The following PROM1 variants were observed in gnomAD, a reference collection of about 807,000 sequenced individuals.
The protein encoded by PROM1 is prominin 1, also known as prominin-1.
PROM1 carries 105 observed loss-of-function variants against 116.9 expected under a neutral mutation model. The observed-to-expected ratio is 0.90, with a 90% CI of 0.77 to 1.06. The LOEUF is 1.06. PROM1 is among the 50% of genes least tolerant of loss of function. The pLI is 0.00. For synonymous variants in PROM1, 393 were observed against 387.0 expected (o/e 1.02, Z -0.18); for missense variants, 1,122 against 1,045.2 (o/e 1.07, Z -1.01).
In PROM1 at chr4:16,040,085, A is replaced by G. The variant is rs140544554; in HGVS notation, c.221-1084T>C. On this transcript the variant is annotated intron_variant, in intron 2 of 27. Transcript: ENST00000447510. Reference sequence around the variant, plus strand: ...CTTCTGCAGTGCTATCACTATATCCATCACGCCTGAAATGTACTAATGGGG... The same window carrying G: ...CTTCTGCAGTGCTATCACTATATCCGTCACGCCTGAAATGTACTAATGGGG... Among the ~76,000 whole-genome samples the G allele has an allele frequency of 1.8e-3, 279 of 152,222 alleles. 1 individual carries two copies. The highest frequency in any genetic ancestry group is 6.4e-3 in the African/African-American group (268 of 41,556).
chr4:16,007,435 T>TA (rs965522248), intron 12 of PROM1, among the ~76,000 whole-genome samples: 7 of 152,312 alleles, frequency 4.6e-5, no homozygotes, highest in African/African-American at 1.7e-4. Context: ...TTTAAGACAC[T>TA]AAAAAACAAA....
intron 5 of PROM1, among the ~76,000 whole-genome samples, chr4:16,027,459 T>A (rs1731613318): frequency 6.6e-6 from 1 of 152,194 alleles, no homozygotes; most frequent in Admixed American, 6.5e-5. Flanking sequence ...CTTCCCAGCA[T>A]GCCCAGATTA....
At chr4:16,046,575 C>T (rs1432717560) in intron 2 of PROM1, among the ~76,000 whole-genome samples, 4 of 152,270 alleles carry the variant, frequency 2.6e-5, no homozygotes, top group South Asian at 2.1e-4. Flanking sequence ...ATTGAATCAG[C>T]GTAGGAGATA....
At chr4:16,080,896 T>A (rs1242722830) in intron 1 of PROM1, among the ~76,000 whole-genome samples, 3 of 152,144 alleles carry the variant, frequency 2.0e-5, no homozygotes, top group Non-Finnish European at 2.9e-5. Flanking sequence ...ACATCCAGGG[T>A]CCTGTTCTGG....
intron 11 of PROM1, among the ~76,000 whole-genome samples, chr4:16,011,549 T>C (rs1259369370): frequency 1.3e-5 from 2 of 152,152 alleles, no homozygotes; most frequent in Admixed American, 1.3e-4. Context: ...CCGCACTCAA[T>C]GCACGCAGCA....
At chr4:16,003,293 T>A in intron 13 of PROM1, 1 of 456,734 alleles carries the variant, frequency 2.2e-6, no homozygotes, top group South Asian at 1.5e-5. Flanking sequence ...TAACTAATAC[T>A]GCAAAACACC....
At chr4:16,083,356 C>A (rs1421187731) in intron 1 of PROM1, 1 of 152,018 alleles carries the variant, frequency 6.6e-6, no homozygotes, top group Non-Finnish European at 1.5e-5. Context: ...CGCCCCCATC[C>A]CCAGTGGATG....
chr4:16,067,404 T>C (rs1741783990), intron 2 of PROM1, among the ~76,000 whole-genome samples: 1 of 152,304 alleles, frequency 6.6e-6, no homozygotes, highest in Admixed American at 6.5e-5. Context: ...GGCAAGTTAT[T>C]TGATCTCTGA....
At chr4:16,081,266 A>C (rs1744994522) in intron 1 of PROM1, among the ~76,000 whole-genome samples, 10 of 151,992 alleles carry the variant, frequency 6.6e-5, no homozygotes. Context: ...TCCTGTGTCC[A>C]AGTGTTTTCA....
chr4:16,016,339 C>CTA, intron 9 of PROM1, 99 bp from the exon 10 acceptor site: 1 of 954,796 alleles, frequency 1.0e-6, no homozygotes, highest in East Asian at 2.6e-5. Context: ...CCCAAAGCAT[C>CTA]TATACTACAG....
chr4:16,069,457 G>A (rs1411396468), intron 2 of PROM1, among the ~76,000 whole-genome samples: 1 of 152,098 alleles, frequency 6.6e-6, no homozygotes, highest in African/African-American at 2.4e-5. Context: ...TACTTTTAAC[G>A]TGCAAAAATT....
At position 16,018,366 on chromosome 4, in the gene PROM1, C is replaced by G. The variant is rs759759830; in HGVS notation, c.959G>C (p.Arg320Thr). Residue 320 changes from arginine (R) to threonine (T), a missense_variant, in exon 9 of 28, where the codon AGA becomes ACA. Arg to Thr is a moderately conservative substitution (Grantham distance 71). Transcript: ENST00000447510. ...GCTATTCAGCTGGCTTAGAGACAAT[C>G]TGATGCTGTTGCAGGTTTCACTTGA... Reference protein sequence around the residue: ...HPSSETCNSIRLSLSQLNSNP... With the variant: ...HPSSETCNSITLSLSQLNSNP... 7.4e-6 allele frequency: 12 copies of G among 1,613,690 alleles called. No homozygotes were observed. The highest frequency in any genetic ancestry group is 8.5e-7 in the Non-Finnish European group (1 of 1,179,906).
intron 2 of PROM1, among the ~76,000 whole-genome samples, chr4:16,043,347 C>T (rs1444717162): frequency 1.3e-5 from 2 of 152,344 alleles, no homozygotes; most frequent in African/African-American, 4.8e-5. Flanking sequence ...GAGATGGGAT[C>T]TCATTCTGTC....
At chr4:15,999,811 T>G (rs1723294401) in intron 14 of PROM1, among the ~76,000 whole-genome samples, 1 of 149,626 alleles carries the variant, frequency 6.7e-6, no homozygotes, top group African/African-American at 2.5e-5. Flanking sequence ...AATGAAAGAG[T>G]GAAATAGAAA....
chr4:15,989,744 T>C lies in PROM1; in HGVS notation c.2064A>G (p.Ile688Met). Residue 688 changes from isoleucine to methionine, a missense_variant, in exon 19 of 28, where the codon ATA becomes ATG. Coordinates refer to ENST00000447510, the MANE Select transcript of PROM1 (RefSeq NM_006017.3). The part of the protein sequence containing the change: ...KTIHQQRVLP[I>M]EQSLSTLYQS... The stretch of plus-strand genomic sequence containing the variant: ...CGTTGACTGTTACCAGTGATTGTTC[T>C]ATAGGAAGGACTCGTTGCTGGTGAA... 1.2e-6 allele frequency: 2 copies of C among 1,603,658 alleles called. No individual in the cohort carries two copies. The highest frequency in any genetic ancestry group is 1.7e-6 in the Non-Finnish European group (2 of 1,173,300).
intron 27 of PROM1, among the ~76,000 whole-genome samples, chr4:15,970,452 C>A (rs1230901828): frequency 6.6e-6 from 1 of 151,762 alleles, no homozygotes; most frequent in Non-Finnish European, 1.5e-5. Context: ...GGATTACAGG[C>A]GTGAGCCACC....
intron 23 of PROM1, among the ~76,000 whole-genome samples, chr4:15,981,586 A>G (rs891078858): frequency 2.0e-5 from 3 of 151,890 alleles, no homozygotes; most frequent in African/African-American, 7.3e-5. Flanking sequence ...AAAAGAAAAA[A>G]AAAAAAGATG....
At chr4:15,987,633 C>T (rs1447283433) in intron 20 of PROM1, 30 bp downstream of exon 20, 2 of 1,595,058 alleles carry the variant, frequency 1.3e-6, no homozygotes, top group East Asian at 2.3e-5. Flanking sequence ...ATAACAAAAC[C>T]CCATGACAGA....
At chr4:16,020,651 C>T (rs770958424) in intron 8 of PROM1, among the ~76,000 whole-genome samples, 1 of 152,096 alleles carries the variant, frequency 6.6e-6, no homozygotes, top group Admixed American at 6.6e-5. Context: ...TATCTTAAGG[C>T]AAGAACCACC....
Sources: gnomAD v4.1 joint callset for allele counts (sites outside exome capture counted in the v4.1 genomes callset) on GRCh38, gnomAD v4.1.1 for gene constraint, MANE v1.5 for transcripts, NCBI Gene and HGNC (gene_info 2026-07-23, HGNC 2026-07-21) for gene names.